KIAA1217: variants seen among roughly 807,000 people sequenced by gnomAD.
KIAA1217 encodes sickle tail protein homolog.
In KIAA1217, 88 loss-of-function variants were observed where a neutral mutation model predicts 163.9. That is an observed-to-expected ratio of 0.54 (90% CI 0.45 to 0.64). KIAA1217 has a LOEUF of 0.64. Ranked by LOEUF, KIAA1217 falls within the 30% of genes least tolerant of loss-of-function variation. KIAA1217 has a pLI of 0.00. For missense variants in KIAA1217, 2,372 were observed against 2,475.0 expected (o/e 0.96, Z 0.88); for synonymous variants, 903 against 923.1 (o/e 0.98, Z 0.39).
At chr10:24,442,461 T>C (rs1181863090) in intron 5 of KIAA1217, among the ~76,000 whole-genome samples, 1 of 152,226 alleles carries the variant, frequency 6.6e-6, no homozygotes, top group Admixed American at 6.5e-5. Flanking sequence ...CTTGAAGCCA[T>C]ATCCCTAACT....
intron 1 of KIAA1217, among the ~76,000 whole-genome samples, chr10:23,898,367 T>G (rs937308442): frequency 3.3e-5 from 5 of 151,728 alleles, no homozygotes; most frequent in African/African-American, 7.3e-5. Flanking sequence ...ACCATCAAAC[T>G]ATACTAACAC....
At chr10:24,409,005 A>G (rs1176355009) in intron 3 of KIAA1217, among the ~76,000 whole-genome samples, 1 of 152,246 alleles carries the variant, frequency 6.6e-6, no homozygotes, top group Non-Finnish European at 1.5e-5. Context: ...TAGATGCTCA[A>G]TAAATATGTG....
At chr10:23,731,719 T>A (rs145173299) in intron 1 of KIAA1217, among the ~76,000 whole-genome samples, 1 of 148,370 alleles carries the variant, frequency 6.7e-6, no homozygotes, top group African/African-American at 2.6e-5. Context: ...CCATTAAGTA[T>A]AAGGTTAGCT....
intron 2 of KIAA1217, among the ~76,000 whole-genome samples, chr10:24,174,050 C>G (rs1257884253): frequency 6.6e-6 from 1 of 152,206 alleles, no homozygotes; most frequent in Non-Finnish European, 1.5e-5. Context: ...CAGTTGATCT[C>G]TGTGATGACA....
chr10:24,524,182 T>A (rs1395261634), intron 12 of KIAA1217, 141 bp from the exon 13 acceptor site: 1 of 749,520 alleles, frequency 1.3e-6, no homozygotes, highest in Non-Finnish European at 2.2e-6. Flanking sequence ...GAAAGGGATA[T>A]GTCTATACAT....
At chr10:24,277,754 T>G in intron 2 of KIAA1217, among the ~76,000 whole-genome samples, 1 of 152,202 alleles carries the variant, frequency 6.6e-6, no homozygotes, top group East Asian at 1.9e-4. Flanking sequence ...CCTGCAGAAC[T>G]GTGAGTCAAT....
At chr10:23,979,091 C>G (rs1298510729) in intron 1 of KIAA1217, among the ~76,000 whole-genome samples, 1 of 152,122 alleles carries the variant, frequency 6.6e-6, no homozygotes. Flanking sequence ...GTGTCTTCTC[C>G]TCAAAGACAA....
intron 2 of KIAA1217, among the ~76,000 whole-genome samples, chr10:24,243,730 T>G (rs188128256): frequency 6.6e-6 from 1 of 152,036 alleles, no homozygotes; most frequent in African/African-American, 2.4e-5. Flanking sequence ...TGTGTTTGTG[T>G]GTATATATAG....
intron 3 of KIAA1217, among the ~76,000 whole-genome samples, chr10:24,387,396 A>C (rs966519417): frequency 5.3e-5 from 8 of 152,240 alleles, no homozygotes; most frequent in African/African-American, 1.7e-4. Context: ...TATTGATGGG[A>C]CATATCTCAA....
rs181310160 is a variant in KIAA1217, at chr10:24,430,866, C to T, written c.554-2129C>T. 5.3e-5 allele frequency among the ~76,000 whole-genome samples: 8 copies of T among 152,296 alleles called. 1 individual carries two copies. Among genetic ancestry groups the T allele is most frequent in the Admixed American group, 4.6e-4 (7 of 15,304 alleles). On this transcript the variant is annotated intron_variant, in intron 3 of 20. Transcript: ENST00000376454. ...CCATGGCTCACTTCCTGCTATGTGGCCCAGTTCCTAACAAGCCAAGGACTG... is the reference window on the plus strand; with the variant it reads ...CCATGGCTCACTTCCTGCTATGTGGTCCAGTTCCTAACAAGCCAAGGACTG...
At chr10:24,520,293 C>T (rs1170887501) in intron 11 of KIAA1217, 40 bp downstream of exon 11, 1 of 1,610,454 alleles carries the variant, frequency 6.2e-7, no homozygotes, top group South Asian at 1.1e-5. Context: ...TCTGAGCTGT[C>T]TTTCCTGCGG....
At chr10:24,148,647 G>A (rs2064456048) in intron 2 of KIAA1217, among the ~76,000 whole-genome samples, 1 of 152,144 alleles carries the variant, frequency 6.6e-6, no homozygotes, top group Non-Finnish European at 1.5e-5. Flanking sequence ...CTTCCCCTGT[G>A]CCTTCCGCCT....
At chr10:23,744,634 T>A (rs1839296629) in intron 1 of KIAA1217, among the ~76,000 whole-genome samples, 1 of 152,254 alleles carries the variant, frequency 6.6e-6, no homozygotes, top group South Asian at 2.1e-4. Flanking sequence ...AAGGTTATGC[T>A]GGGACTGGGT....
intron 2 of KIAA1217, chr10:24,255,561 T>G (rs2131598868): frequency 2.2e-6 from 1 of 455,908 alleles, no homozygotes; most frequent in African/African-American, 2.0e-5. Context: ...ATGTTTCTGC[T>G]GTGGGGGGCC....
intron 1 of KIAA1217, among the ~76,000 whole-genome samples, chr10:23,735,549 C>A (rs1838744786): frequency 6.6e-6 from 1 of 151,750 alleles, no homozygotes; most frequent in Non-Finnish European, 1.5e-5. Flanking sequence ...AAGAGTGTGG[C>A]ATCTTCTTGT....
intron 17 of KIAA1217, among the ~76,000 whole-genome samples, chr10:24,540,614 A>T (rs972310126): frequency 2.0e-5 from 3 of 152,178 alleles, no homozygotes; most frequent in Non-Finnish European, 4.4e-5. Flanking sequence ...AGACCCCCAG[A>T]ACATCTGCCA....
chr10:23,918,729 T>C (rs1351101672), intron 1 of KIAA1217, among the ~76,000 whole-genome samples: 1 of 137,384 alleles, frequency 7.3e-6, no homozygotes, highest in Non-Finnish European at 1.5e-5. Context: ...AAGAATTAAA[T>C]ATATACACAC....
intron 2 of KIAA1217, chr10:24,368,974 C>A: frequency 1.7e-6 from 1 of 579,926 alleles, no homozygotes; most frequent in Non-Finnish European, 2.2e-6. Flanking sequence ...AACCGAGGTT[C>A]AGAAAGGTTT....
chr10:23,777,047 A>G (rs970375520), intron 1 of KIAA1217, among the ~76,000 whole-genome samples: 1 of 152,170 alleles, frequency 6.6e-6, no homozygotes. Flanking sequence ...TCTCATGAGC[A>G]TATCATTCTT....
Sources: gnomAD v4.1 joint callset for allele counts (sites outside exome capture counted in the v4.1 genomes callset) on GRCh38, gnomAD v4.1.1 for gene constraint, MANE v1.5 for transcripts, NCBI Gene and HGNC (gene_info 2026-07-23, HGNC 2026-07-21) for gene names.